FAM167A: variants seen among roughly 807,000 people sequenced by gnomAD.
The protein encoded by FAM167A is protein FAM167A.
FAM167A carries 23 observed loss-of-function variants against 14.9 expected under a neutral mutation model. That is an observed-to-expected ratio of 1.55 (90% CI 1.11 to 2.19). The LOEUF (loss-of-function observed/expected upper bound fraction) is 2.19. FAM167A is among the 30% of genes most tolerant of loss of function. The probability of loss-of-function intolerance (pLI) is 0.00; values close to 1 mark genes in which losing one functional copy is unlikely to be tolerated. For missense variants in FAM167A, 401 were observed against 281.5 expected (o/e 1.42, Z -3.04); for synonymous variants, 174 against 117.7 (o/e 1.48, Z -3.10).
chr8:11,439,768 T>C (rs13259219), intron 2 of FAM167A, among the ~76,000 whole-genome samples: 107,188 of 152,056 alleles, frequency 0.7, 38,166 homozygotes, highest in African/African-American at 0.82. Flanking sequence ...ATAAACCACG[T>C]GGAAGACTTT....
intron 2 of FAM167A, among the ~76,000 whole-genome samples, chr8:11,427,474 G>A (rs1805259214): frequency 6.6e-6 from 1 of 152,308 alleles, no homozygotes; most frequent in Non-Finnish European, 1.5e-5. Context: ...TCTGCGACAT[G>A]CTCGGCTGTG....
intron 1 of FAM167A, among the ~76,000 whole-genome samples, chr8:11,446,112 G>A (rs894417416): frequency 6.6e-6 from 1 of 152,038 alleles, no homozygotes; most frequent in South Asian, 2.1e-4. Context: ...GAGGATAGGA[G>A]GGAAAAGAAT....
At chr8:11,453,906 A>C (rs1337320794) in intron 1 of FAM167A, among the ~76,000 whole-genome samples, 1 of 152,192 alleles carries the variant, frequency 6.6e-6, no homozygotes, top group African/African-American at 2.4e-5. Flanking sequence ...GACCAGCCTA[A>C]GGCCCGGGGC....
chr8:11,464,547 CG>C (rs1208837463), intron 1 of FAM167A, among the ~76,000 whole-genome samples: 1 of 152,214 alleles, frequency 6.6e-6, no homozygotes, highest in Non-Finnish European at 1.5e-5. Context: ...ATCCAAGTCT[CG>C]GGGTGCATTT....
chr8:11,468,559 C>T (rs1233077471), upstream of FAM167A, among the ~76,000 whole-genome samples: 2 of 152,240 alleles, frequency 1.3e-5, no homozygotes, highest in Non-Finnish European at 2.9e-5. Context: ...TCAATCTGGA[C>T]TTGGGGATAA....
At chr8:11,464,868 T>C (rs1178843670) in intron 1 of FAM167A, among the ~76,000 whole-genome samples, 7 of 152,228 alleles carry the variant, frequency 4.6e-5, no homozygotes, top group African/African-American at 1.7e-4. Context: ...TCTCAGCAAA[T>C]AGTTAGGCAT....
chr8:11,449,600 G>C (rs1806940408), intron 1 of FAM167A, among the ~76,000 whole-genome samples: 1 of 152,182 alleles, frequency 6.6e-6, no homozygotes, highest in African/African-American at 2.4e-5. Flanking sequence ...AGGGTGTCTA[G>C]AAAAACGACA....
chr8:11,446,948 G>C (rs1305627400), intron 1 of FAM167A, among the ~76,000 whole-genome samples: 1 of 152,172 alleles, frequency 6.6e-6, no homozygotes, highest in Non-Finnish European at 1.5e-5. Context: ...TTCCTGGAGA[G>C]GATTCAACTG....
intron 2 of FAM167A, among the ~76,000 whole-genome samples, chr8:11,435,381 A>T (rs73663140): frequency 6.6e-6 from 1 of 152,232 alleles, no homozygotes; most frequent in Non-Finnish European, 1.5e-5. Flanking sequence ...CTAGATGACA[A>T]AACACCAGAG....
At chr8:11,471,372 G>A (rs796566036), upstream of FAM167A, among the ~76,000 whole-genome samples, 3 of 152,302 alleles carry the variant, frequency 2.0e-5, no homozygotes, top group African/African-American at 7.2e-5. Context: ...CAGAAGAGCT[G>A]GGCAGGTGAG....
At chr8:11,436,708 C>T (rs1196954880) in intron 2 of FAM167A, among the ~76,000 whole-genome samples, 2 of 152,222 alleles carry the variant, frequency 1.3e-5, no homozygotes, top group Non-Finnish European at 2.9e-5. Flanking sequence ...CCGAAGTGCC[C>T]TGGGGTCACC....
Position 11,447,672 on chromosome 8 carries a change from G to A in FAM167A, c.-397-2864C>T, listed in dbSNP as rs1806843054. On this transcript the variant is annotated intron_variant, in intron 1 of 2. Transcript: ENST00000284486. ...TCCTGGTCACAGGCAGGTGCCAGCA[G>A]CTGGACCTGGGCACAGTCATTTGAC... 2.0e-5 allele frequency among the ~76,000 whole-genome samples: 3 copies of A among 152,340 alleles called. No individual in the cohort carries two copies. In the South Asian group the frequency reaches 6.2e-4, roughly 32 times the overall value.
intron 1 of FAM167A, chr8:11,445,442 CAAAT>C: frequency 1.0e-6 from 1 of 985,832 alleles, no homozygotes; most frequent in Non-Finnish European, 1.2e-6. Context: ...GAGACAGAAG[CAAAT>C]AAACCTGCAG....
intron 1 of FAM167A, among the ~76,000 whole-genome samples, chr8:11,453,668 T>G (rs1807116357): frequency 6.6e-6 from 1 of 152,040 alleles, no homozygotes. Flanking sequence ...ACCCTCCCCA[T>G]GGTCTACTCA....
In FAM167A at chr8:11,444,723, T is replaced by G; in HGVS notation, c.-312A>C. 1 of 1,149,620 alleles carries G rather than the reference T, an allele frequency of 8.7e-7. No homozygotes were observed. The highest frequency in any genetic ancestry group is 1.1e-6 in the Non-Finnish European group (1 of 932,778). The allele number at this position is 1,149,620 out of a possible 1,614,324, so 71.2% of individuals were successfully genotyped here. A position where few individuals can be genotyped will look rare whatever the true frequency, so the allele number is the denominator to read the frequency against. ...TCGGGGCAGCCTGTGCCAAGGTCTA[T>G]CTGTCCTGAACGCACTCGAAGACCA... On this transcript the variant is annotated 5_prime_UTR_variant, in exon 2 of 3. Transcript: ENST00000284486.
Position 11,429,088 on chromosome 8 carries a change from A to C in FAM167A, c.382-4452T>G, listed in dbSNP as rs139127265. Among the ~76,000 whole-genome samples the C allele has an allele frequency of 3.0e-3, 463 of 152,176 alleles. 4 individuals carry two copies. Among genetic ancestry groups the C allele is most frequent in the African/African-American group, 0.011 (455 of 41,506 alleles). ...TCTCCAGAGCTCTTTTTATCGTTCTAAACAGAAACTGCATCCATCAAACAC... is the reference window on the plus strand; with the variant it reads ...TCTCCAGAGCTCTTTTTATCGTTCTCAACAGAAACTGCATCCATCAAACAC... On this transcript the variant is annotated intron_variant, in intron 2 of 2. Transcript: ENST00000284486.
intron 1 of FAM167A, among the ~76,000 whole-genome samples, chr8:11,464,659 G>T (rs1263577464): frequency 3.3e-5 from 5 of 152,232 alleles, no homozygotes; most frequent in Non-Finnish European, 5.9e-5. Flanking sequence ...AAAGTGCTCA[G>T]TTACTCATTT....
intron 1 of FAM167A, among the ~76,000 whole-genome samples, chr8:11,452,313 C>T (rs1009665005): frequency 2.0e-5 from 3 of 152,246 alleles, no homozygotes; most frequent in Admixed American, 6.5e-5. Context: ...AAACGCCGCC[C>T]ATGGTTCCCT....
At chr8:11,435,607 C>T (rs1419498145) in intron 2 of FAM167A, among the ~76,000 whole-genome samples, 2 of 152,190 alleles carry the variant, frequency 1.3e-5, no homozygotes, top group African/African-American at 2.4e-5. Context: ...TGACCGCCAC[C>T]CTCTGGGATC....
Sources: allele counts gnomAD v4.1 joint callset (sites outside exome capture counted in the v4.1 genomes callset), GRCh38; gene constraint gnomAD v4.1.1; transcripts MANE v1.5; gene names NCBI Gene and HGNC (gene_info 2026-07-23, HGNC 2026-07-21).